UPF2: variants seen among roughly 807,000 people sequenced by gnomAD.
The protein encoded by UPF2 is UPF2 regulator of nonsense mediated mRNA decay.
Under a neutral mutation model 141.4 loss-of-function variants are expected in UPF2, and 17 were observed. The observed-to-expected ratio is 0.12, with a 90% confidence interval of 0.08 to 0.18. The LOEUF (loss-of-function observed/expected upper bound fraction) is 0.18. Among genes scored for constraint, UPF2 ranks in the 10% least tolerant of loss-of-function variants. UPF2 has a pLI of 1.00. For missense variants in UPF2, 1,152 were observed against 1,515.9 expected, an observed-to-expected ratio of 0.76 and a Z score of 3.99; for synonymous variants, 540 against 498.0, an observed-to-expected ratio of 1.08 and a Z score of -1.12.
intron 3 of UPF2, among the ~76,000 whole-genome samples, chr10:12,020,939 C>G (rs548485294): frequency 7.9e-5 from 12 of 152,330 alleles, no homozygotes; most frequent in African/African-American, 2.6e-4. Flanking sequence ...TCCATGAAGG[C>G]AAGCCTTCAC....
In UPF2 at chr10:11,997,657, T is replaced by A; in HGVS notation, c.1844+15A>T. 6.2e-7 allele frequency: 1 copy of A among 1,611,480 alleles called. No individual in the cohort carries two copies. The highest frequency in any genetic ancestry group is 8.5e-7 in the Non-Finnish European group (1 of 1,178,310). ...GAGTAAAAACACTAATAAATTTCTC[T>A]TTCATAACACTTACCTTTGTCTAGG... On this transcript the variant is annotated intron_variant, in intron 8 of 21. Transcript: ENST00000357604.
chr10:11,931,480 AT>A lies in UPF2; in HGVS notation c.3688+160del, dbSNP rs1832781216. On this transcript the variant is annotated intron_variant, in intron 20 of 21. Transcript: ENST00000357604. The surrounding 1 kb of genome is among the most constrained non-coding windows in gnomAD (Gnocchi z 5.9). Reference sequence around the variant, plus strand: ...AGCAAAATATGGTGAAAATTATATTATTGTTATTTTACAAATAAGTGAAAGA... The same window carrying A: ...AGCAAAATATGGTGAAAATTATATTATGTTATTTTACAAATAAGTGAAAGA... Among the ~76,000 whole-genome samples the A allele has an allele frequency of 6.6e-6, 1 of 151,878 alleles. No homozygotes were observed. The highest frequency in any genetic ancestry group is 2.1e-4 in the South Asian group (1 of 4,830).
chr10:11,934,350 G>A (rs1265046147), intron 19 of UPF2, among the ~76,000 whole-genome samples: 1 of 152,140 alleles, frequency 6.6e-6, no homozygotes, highest in African/African-American at 2.4e-5. Flanking sequence ...CTCACAGATA[G>A]AGAATGGAGA....
At position 11,985,314 on chromosome 10, in the gene UPF2, A is replaced by G. The variant is rs796838763; in HGVS notation, c.1845-6149T>C. ...CTTTATGTTGTAAATAATCAATTATATAGTTATTCAACGTTAGTCCTGCTT... is the reference window on the plus strand; with the variant it reads ...CTTTATGTTGTAAATAATCAATTATGTAGTTATTCAACGTTAGTCCTGCTT... On this transcript the variant is annotated intron_variant, in intron 8 of 21. Transcript: ENST00000357604. Among the ~76,000 whole-genome samples the G allele has an allele frequency of 4.6e-5, 7 of 152,278 alleles. 1 individual carries two copies. The highest frequency in any genetic ancestry group is 1.4e-4 in the African/African-American group (6 of 41,558).
At chr10:11,943,430 T>C (rs1354653394) in intron 16 of UPF2, among the ~76,000 whole-genome samples, 1 of 152,168 alleles carries the variant, frequency 6.6e-6, no homozygotes, top group Non-Finnish European at 1.5e-5. Context: ...AATTCCACAA[T>C]GAAGAAGTTT....
At chr10:12,002,798 TA>T (rs1039424533) in intron 5 of UPF2, among the ~76,000 whole-genome samples, 1 of 152,150 alleles carries the variant, frequency 6.6e-6, no homozygotes, top group African/African-American at 2.4e-5. Flanking sequence ...GAGTGATAGG[TA>T]AATCCAAGTT....
intron 3 of UPF2, among the ~76,000 whole-genome samples, chr10:12,024,063 T>C (rs10906051): frequency 0.22 from 32,992 of 152,118 alleles, 3,905 homozygotes; most frequent in East Asian, 0.46. Context: ...GAATCTTAAA[T>C]ATCAGCTAGC....
chr10:11,967,560 T>C, intron 9 of UPF2, 106 bp from the exon 10 acceptor site: 4 of 755,088 alleles, frequency 5.3e-6, no homozygotes, highest in Non-Finnish European at 8.0e-6. Flanking sequence ...TTTTTTTTTT[T>C]TTTTTTTTGA....
intron 16 of UPF2, among the ~76,000 whole-genome samples, chr10:11,943,832 TC>T (rs1313818946): frequency 1.3e-5 from 2 of 151,734 alleles, no homozygotes; most frequent in African/African-American, 4.8e-5. Flanking sequence ...TCACAGTCAG[TC>T]CCTGCCTCCC....
intron 18 of UPF2, among the ~76,000 whole-genome samples, chr10:11,941,651 CTTATCTA>C (rs1186005372): frequency 6.6e-6 from 1 of 152,112 alleles, no homozygotes; most frequent in Non-Finnish European, 1.5e-5. Context: ...CTCCTCAAGA[CTTATCTA>C]TATGTAGTAT....
intron 16 of UPF2, among the ~76,000 whole-genome samples, chr10:11,943,388 A>T (rs1426457301): frequency 6.6e-6 from 1 of 152,204 alleles, no homozygotes; most frequent in African/African-American, 2.4e-5. Flanking sequence ...TGATCTAACA[A>T]TACAGAGATC....
In UPF2 at chr10:12,029,236, A is replaced by T. The variant is rs35258162; in HGVS notation, c.654T>A (p.Asp218Glu). 1.1e-3 allele frequency: 1,855 copies of T among 1,614,186 alleles called. 2 individuals are homozygous for T. The highest frequency in any genetic ancestry group is 1.4e-3 in the Non-Finnish European group (1,678 of 1,180,028). The change falls in exon 3 of 22, where the codon GAT becomes GAA. Residue 218 changes from aspartate to glutamate, a missense_variant. Asp to Glu is a conservative substitution (Grantham distance 45). Around this residue, in one of 4 missense-constraint regions of UPF2, gnomAD observed 739 missense variants for 1,032.2 expected, o/e 0.72. Coordinates refer to ENST00000357604, the MANE Select transcript of UPF2 (RefSeq NM_015542.4). ...AGCAGAGGTGCACAGCACAGTTCAC[A>T]TCAGAGATTTTTAGTTTTGCTTCCA... ...SIVEAKLKISDVNCAVHLCSL... is the reference protein window; with the variant it reads ...SIVEAKLKISEVNCAVHLCSL...
chr10:11,992,232 T>A lies in UPF2; in HGVS notation c.1844+5440A>T, dbSNP rs1368662463. Among the ~76,000 whole-genome samples the A allele has an allele frequency of 1.3e-5, 2 of 152,112 alleles. No individual in the cohort carries two copies. The highest frequency in any genetic ancestry group is 2.9e-5 in the Non-Finnish European group (2 of 68,028). ...ATGTTTTATTCCCTATCAGGATATG[T>A]CATCAATATAAAAATAAGTGAGGGG... On this transcript the variant is annotated intron_variant, in intron 8 of 21. Transcript: ENST00000357604. The surrounding 1 kb of genome is among the most constrained non-coding windows in gnomAD (Gnocchi z 4.1).
chr10:11,968,570 T>C lies in UPF2; in HGVS notation c.1954-1116A>G, dbSNP rs1239418640. Among the ~76,000 whole-genome samples the C allele has an allele frequency of 2.6e-5, 4 of 151,890 alleles. No individual in the cohort carries two copies. The East Asian group carries it at 7.7e-4, about 29-fold the overall frequency. Reference sequence around the variant, plus strand: ...ATGCTACATTTTTATTATAAATACATTACAAGGAAAGAGCCAATATAATCA... The same window carrying C: ...ATGCTACATTTTTATTATAAATACACTACAAGGAAAGAGCCAATATAATCA... On this transcript the variant is annotated intron_variant, in intron 9 of 21. Coordinates refer to ENST00000357604, the MANE Select transcript of UPF2 (RefSeq NM_015542.4).
rs1471256131 is a variant in UPF2, at chr10:11,979,608, T to C, written c.1845-443A>G. Among the ~76,000 whole-genome samples, 6 of 152,076 alleles carry C rather than the reference T, an allele frequency of 3.9e-5. No homozygotes were observed. Among genetic ancestry groups the C allele is most frequent in the African/African-American group, 7.2e-5 (3 of 41,420 alleles). On this transcript the variant is annotated intron_variant, in intron 8 of 21. Transcript: ENST00000357604. This position sits in a 1 kb window ranked among gnomAD's most constrained non-coding sequence, Gnocchi z 6.2. ...TATTTGGAAACCTCAAGGTCTAAAG[T>C]AAAAAGGTAATCAATAGGCTGGGCG...
At chr10:12,013,213 G>A (rs1253047957) in intron 4 of UPF2, among the ~76,000 whole-genome samples, 3 of 151,372 alleles carry the variant, frequency 2.0e-5, no homozygotes, top group Non-Finnish European at 4.4e-5. Context: ...TTCTTACTGA[G>A]GATATTAAAT....
At chr10:11,960,158 G>T (rs1302413015) in intron 11 of UPF2, among the ~76,000 whole-genome samples, 1 of 152,164 alleles carries the variant, frequency 6.6e-6, no homozygotes, top group Non-Finnish European at 1.5e-5. Context: ...GATGCCAGTG[G>T]AGAACCACTG....
At chr10:12,001,587 G>A (rs540037339) in intron 6 of UPF2, 89 bp downstream of exon 6, 3 of 1,267,848 alleles carry the variant, frequency 2.4e-6, no homozygotes, top group Admixed American at 5.8e-5. Context: ...AAAAAATACA[G>A]AATTAAGGAG....
At position 11,959,568 on chromosome 10, in the gene UPF2, T is replaced by G. The variant is rs908425932; in HGVS notation, c.2185-212A>C. Among the ~76,000 whole-genome samples the G allele has an allele frequency of 3.3e-5, 5 of 152,080 alleles. No homozygotes were observed. Among genetic ancestry groups the G allele is most frequent in the African/African-American group, 1.2e-4 (5 of 41,416 alleles). ...TGAATCCAGGAGTTCAAGACCAGCT[T>G]GGGCAACATGATGAAACCCCATCTC... On this transcript the variant is annotated intron_variant, in intron 11 of 21. Coordinates refer to ENST00000357604, the MANE Select transcript of UPF2 (RefSeq NM_015542.4). This position sits in a 1 kb window ranked among gnomAD's most constrained non-coding sequence, Gnocchi z 5.9.
Sources: gnomAD v4.1 joint callset for allele counts (sites outside exome capture counted in the v4.1 genomes callset) on GRCh38, gnomAD v4.1.1 for gene constraint, gnomAD v4.1.1 regional missense constraint, Gnocchi (gnomAD v3.1) non-coding constraint, MANE v1.5 for transcripts, NCBI Gene and HGNC (gene_info 2026-07-23, HGNC 2026-07-21) for gene names.